ZIC3: variants seen among roughly 807,000 people sequenced by gnomAD.
ZIC3 encodes zinc finger protein ZIC 3.
In ZIC3, 6 loss-of-function variants were observed where a neutral mutation model predicts 18.3. The ratio of observed to expected loss-of-function variants is 0.33; its 90% CI spans 0.18 to 0.65. The LOEUF is 0.65. Among genes scored for constraint, ZIC3 ranks in the 30% least tolerant of loss-of-function variants. The pLI is 0.75. For missense variants in ZIC3, 260 were observed against 410.0 expected, an observed-to-expected ratio of 0.63 and a Z score of 3.16; for synonymous variants, 175 against 177.0, an observed-to-expected ratio of 0.99 and a Z score of 0.09.
At chrX:137,577,033 A>G (rs1025324618), downstream of ZIC3, 5 of 443,848 alleles carry the variant, frequency 1.1e-5, no homozygotes, top group South Asian at 3.8e-5. Flanking sequence ...AAAACAACAT[A>G]TTCATGTGAC....
Position 137,566,800 on chromosome X carries a change from C to T in ZIC3, c.109C>T (p.Leu37=). The change falls in exon 1 of 3, where the codon CTG becomes TTG. Residue 37 remains leucine (L), a synonymous_variant. Transcript: ENST00000287538. The part of the protein sequence containing the change: ...MPNREPAGMG[L]NPFGDSTHAA... ...CAACCGTGAGCCGGCAGGCATGGGG[C>T]TGAATCCCTTCGGGGACTCAACCCA... The T allele has an allele frequency of 8.5e-7, 1 of 1,175,903 alleles. No individual in the cohort carries two copies. Among genetic ancestry groups the T allele is most frequent in the South Asian group, 1.9e-5 (1 of 53,585 alleles).
chrX:137,576,165 G>A (rs996658486), downstream of ZIC3, among the ~76,000 whole-genome samples: 3 of 106,905 alleles, frequency 2.8e-5, no homozygotes, highest in Non-Finnish European at 5.8e-5. Flanking sequence ...ATCAAAGGAA[G>A]TAAATGGTGC....
Position 137,566,477 on chromosome X carries a change from C to G in ZIC3, c.-215C>G. ...CCCTCCTCCTCCCCCCGCCAACACC[C>G]CCTCCCTGCTCTTTCTTCCCCTCCT... On this transcript the variant is annotated 5_prime_UTR_variant, in exon 1 of 3. Transcript: ENST00000287538. 1 of 424,741 alleles carries G rather than the reference C, an allele frequency of 2.4e-6. No homozygotes were observed. Among genetic ancestry groups the G allele is most frequent in the Non-Finnish European group, 3.9e-6 (1 of 259,692 alleles). 35.0% of individuals were successfully genotyped at this position (424,741 alleles called of 1,213,427 possible).
At chrX:137,574,106 G>A (rs1931479439), downstream of ZIC3, 2 of 113,363 alleles carry the variant, frequency 1.8e-5, no homozygotes. Context: ...GGGTCAATAC[G>A]AGCCCAAACA....
rs1041126619 is a variant in ZIC3 at position 137,570,450 on chromosome X, C to T, written c.*380C>T. Reference sequence around the variant, plus strand: ...TGTTAAACTGATGGAAATTCTTTTTCGCCTTAGTGGTGATTGTTTAAACTC... The same window carrying T: ...TGTTAAACTGATGGAAATTCTTTTTTGCCTTAGTGGTGATTGTTTAAACTC... On this transcript the variant is annotated 3_prime_UTR_variant, in exon 3 of 3. Coordinates refer to ENST00000287538, the MANE Select transcript of ZIC3 (RefSeq NM_003413.4). The T allele has an allele frequency of 8.6e-6, 2 of 231,781 alleles. No homozygotes were observed. The highest frequency in any genetic ancestry group is 2.9e-5 in the African/African-American group (1 of 35,007). The allele number at this position is 231,781 out of a possible 1,213,427, so 19.1% of individuals were successfully genotyped here. A position where few individuals can be genotyped will look rare whatever the true frequency, so the allele number is the denominator to read the frequency against.
intron 1 of ZIC3, chrX:137,568,683 C>T (rs1931391949): frequency 1.5e-5 from 2 of 130,554 alleles, no homozygotes; most frequent in Non-Finnish European, 2.8e-5. Flanking sequence ...TTGGGCCGGC[C>T]CCGCCCCACC....
Position 137,567,122 on chromosome X carries a change from C to T in ZIC3, c.431C>T (p.Ala144Val), listed in dbSNP as rs943629082. The change falls in exon 1 of 3, where the codon GCG (alanine) becomes GTG (valine). Residue 144 changes from alanine (A) to valine (V), a missense_variant. By Grantham distance (64) the Ala-to-Val change is moderately conservative (BLOSUM62 0). Transcript: ENST00000287538. Reference sequence around the variant, plus strand: ...CAGCACGGGCTCTTCGCCGGCTCGGCGAGCAGCCTGCATGCTCCAGCTGGC... The same window carrying T: ...CAGCACGGGCTCTTCGCCGGCTCGGTGAGCAGCCTGCATGCTCCAGCTGGC... ...GGQHGLFAGS[A>V]SSLHAPAGIP... 6 of 1,204,405 alleles carry T rather than the reference C, an allele frequency of 5.0e-6. No individual in the cohort carries two copies. Among genetic ancestry groups the T allele is most frequent in the Non-Finnish European group, 5.6e-6 (5 of 892,680 alleles).
rs1452280685 is a variant in ZIC3 at position 137,566,601 on chromosome X, C to G, written c.-91C>G. 4.3e-6 allele frequency: 5 copies of G among 1,154,152 alleles called. No homozygotes were observed. Among genetic ancestry groups the G allele is most frequent in the Admixed American group, 5.1e-5 (2 of 38,910 alleles). ...CCCGCAGTGTCCAACCGCCGCCACCCCTTTCCGACTACGGCACTTCGGAGA... is the reference window on the plus strand; with the variant it reads ...CCCGCAGTGTCCAACCGCCGCCACCGCTTTCCGACTACGGCACTTCGGAGA... On this transcript the variant is annotated 5_prime_UTR_variant, in exon 1 of 3. Coordinates refer to ENST00000287538, the MANE Select transcript of ZIC3 (RefSeq NM_003413.4).
At chrX:137,575,617 G>A (rs1305781831), downstream of ZIC3, among the ~76,000 whole-genome samples, 1 of 111,823 alleles carries the variant, frequency 8.9e-6, no homozygotes, top group African/African-American at 3.3e-5. Flanking sequence ...CTTCCAGGTT[G>A]GGTCTTCGTG....
Position 137,566,321 on chromosome X carries a change from G to T in ZIC3, c.-371G>T. The T allele has an allele frequency of 4.3e-6, 1 of 234,029 alleles. No individual in the cohort carries two copies. The allele number at this position is 234,029 out of a possible 1,213,427, so 19.3% of individuals were successfully genotyped here. ...GGCCCCGCGGTTCTGTGCACTCGGG[G>T]AGAGGAGGGGTGCCCGGGACAGGAT... is the stretch of plus-strand genomic sequence containing the variant. On this transcript the variant is annotated 5_prime_UTR_variant, in exon 1 of 3. Transcript: ENST00000287538.
intron 1 of ZIC3, chrX:137,568,697 AC>A (rs1224673995): frequency 7.1e-5 from 1 of 14,023 alleles, no homozygotes; most frequent in East Asian, 3.0e-3. Flanking sequence ...CCCCACCCCC[AC>A]CCCCACCCCG....
At chrX:137,574,472 G>A (rs1931485803), downstream of ZIC3, among the ~76,000 whole-genome samples, 1 of 113,463 alleles carries the variant, frequency 8.8e-6, no homozygotes, top group African/African-American at 3.2e-5. Context: ...GGAGGAAAGA[G>A]GAGGCTCCGG....
At chrX:137,569,767 A>T in intron 2 of ZIC3, 124 bp from the exon 3 acceptor site, 5 of 668,206 alleles carry the variant, frequency 7.5e-6, no homozygotes, top group Admixed American at 3.6e-5. Context: ...TTTAAGCAGC[A>T]TTTTTCTTTT....
At chrX:137,577,251 G>A (rs1185835175) in exon 3 of ZIC3, 1 of 516,972 alleles carries the variant, frequency 1.9e-6, no homozygotes, top group Admixed American at 2.7e-5. Context: ...CGAACCTACT[G>A]TGCAAGAAAT....
In ZIC3 at chrX:137,571,571, C is replaced by T. The variant is rs1410477518; in HGVS notation, c.*1501C>T. On this transcript the variant is annotated 3_prime_UTR_variant, in exon 3 of 3. Coordinates refer to ENST00000287538, the MANE Select transcript of ZIC3 (RefSeq NM_003413.4). ...GCAATTATCCATAACATTTATATAGCGGTGTAATAACTGCAGCAGTTCTGA... is the reference window on the plus strand; with the variant it reads ...GCAATTATCCATAACATTTATATAGTGGTGTAATAACTGCAGCAGTTCTGA... 1 of 112,119 alleles carries T rather than the reference C, an allele frequency of 8.9e-6. No individual in the cohort carries two copies. The highest frequency in any genetic ancestry group is 1.9e-5 in the Non-Finnish European group (1 of 53,133). 9.2% of individuals were successfully genotyped at this position (112,119 alleles called of 1,213,427 possible). A position where few individuals can be genotyped will look rare whatever the true frequency, so the allele number is the denominator to read the frequency against.
At chrX:137,575,009 C>A (rs1931497133), downstream of ZIC3, among the ~76,000 whole-genome samples, 1 of 111,590 alleles carries the variant, frequency 9.0e-6, no homozygotes, top group Admixed American at 9.4e-5. Flanking sequence ...GGACAAAAAA[C>A]CCGCCAGAGG....
intron 1 of ZIC3, 96 bp downstream of exon 1, chrX:137,567,847 AG>A: frequency 8.5e-7 from 1 of 1,180,393 alleles, no homozygotes; most frequent in Non-Finnish European, 1.1e-6. Flanking sequence ...GGCCAGGGAA[AG>A]GGGCGACGCC....
chrX:137,574,786 C>CGCGGAGCGCA (rs1344543069), downstream of ZIC3, among the ~76,000 whole-genome samples: 1 of 112,987 alleles, frequency 8.9e-6, no homozygotes, highest in Non-Finnish European at 1.9e-5. Context: ...TGCGAACCCC[C>CGCGGAGCGCA]GCGGAGCGCA....
Position 137,566,748 on chromosome X carries a change from C to G in ZIC3, c.57C>G (p.Phe19Leu), listed in dbSNP as rs1487142561. ...PQFPGLGVGS[F>L]GAPRHHEMPN... ...TCCCTGGGCTGGGAGTGGGCAGCTT[C>G]GGCGCGCCGCGCCACCACGAGATGC... is the stretch of plus-strand genomic sequence containing the variant. Residue 19 changes from phenylalanine to leucine, a missense_variant, in exon 1 of 3, where the codon TTC (phenylalanine) becomes TTG (leucine). Physicochemically the swap from Phe to Leu is conservative, Grantham distance 22. Transcript: ENST00000287538. 3 of 1,189,612 alleles carry G rather than the reference C, an allele frequency of 2.5e-6. No homozygotes were observed. Among genetic ancestry groups the G allele is most frequent in the Non-Finnish European group, 3.4e-6 (3 of 885,639 alleles).
Sources: allele counts gnomAD v4.1 joint callset (sites outside exome capture counted in the v4.1 genomes callset), GRCh38; gene constraint gnomAD v4.1.1; transcripts MANE v1.5; gene names NCBI Gene and HGNC (gene_info 2026-07-23, HGNC 2026-07-21).